The following NF1 variants were observed in gnomAD, a reference collection of about 807,000 sequenced individuals.
NF1 encodes neurofibromin 1.
Under a neutral mutation model 325.7 loss-of-function variants are expected in NF1, and 122 were observed. That is an observed-to-expected ratio of 0.37 (90% CI 0.32 to 0.44). The LOEUF (loss-of-function observed/expected upper bound fraction) is 0.44, where lower values mean the gene tolerates loss of function less well. NF1 is among the 20% of genes least tolerant of loss of function. The pLI is 1.00. For synonymous variants in NF1, 1,091 were observed against 1,186.0 expected (o/e 0.92, Z 1.65); for missense variants, 2,140 against 3,415.4 (o/e 0.63, Z 9.31).
At chr17:31,367,644 A>G (rs544873679) in intron 57 of NF1, among the ~76,000 whole-genome samples, 123 of 152,288 alleles carry the variant, frequency 8.1e-4, no homozygotes, top group African/African-American at 2.6e-3. Flanking sequence ...CCCCAAATAG[A>G]AAGCCAACCC....
intron 24 of NF1, among the ~76,000 whole-genome samples, 157 bp downstream of exon 24, chr17:31,231,082 C>CT (rs59368772): frequency 4.6e-5 from 7 of 151,798 alleles, no homozygotes; most frequent in Non-Finnish European, 1.0e-4. Flanking sequence ...TTTATTACTG[C>CT]TTTTTTTTGA....
At chr17:31,273,819 A>G (rs528358892) in intron 36 of NF1, among the ~76,000 whole-genome samples, 16 of 152,316 alleles carry the variant, frequency 1.1e-4, no homozygotes, top group Non-Finnish European at 2.1e-4. Context: ...TCTGCTTGCT[A>G]ATTTAAAGAA....
chr17:31,370,590 TA>T (rs1398154637), intron 57 of NF1, among the ~76,000 whole-genome samples: 1 of 152,218 alleles, frequency 6.6e-6, no homozygotes, highest in African/African-American at 2.4e-5. Flanking sequence ...TTTTTGAAGA[TA>T]CCTTCACCCT....
At chr17:31,099,705 G>A (rs1324385291) in intron 1 of NF1, among the ~76,000 whole-genome samples, 1 of 151,796 alleles carries the variant, frequency 6.6e-6, no homozygotes, top group Admixed American at 6.6e-5. Flanking sequence ...GATTACAGGC[G>A]CCCACCACCA....
At chr17:31,095,538 A>G in intron 1 of NF1, 169 bp downstream of exon 1, 1 of 547,520 alleles carries the variant, frequency 1.8e-6, no homozygotes, top group African/African-American at 2.2e-5. Flanking sequence ...CCAAGGCGGG[A>G]GGTGAGGGGT....
chr17:31,222,517 T>C, intron 15 of NF1: 1 of 1,026,628 alleles, frequency 9.7e-7, no homozygotes, highest in East Asian at 6.3e-5. Context: ...ATGGGTGTGC[T>C]AAGTTACTTG....
In NF1 at chr17:31,327,666, C is replaced by T. The variant is rs864622640; in HGVS notation, c.5436C>T (p.Phe1812=). The part of the protein sequence containing the change: ...TIANQGTPLT[F]MHQECEAIVQ... ...CAAACCAGGGCACGCCGCTCACCTT[C>T]ATGCACCAGGAGTGTGAAGCCATTG... Residue 1812 remains phenylalanine (F), a synonymous_variant, in exon 38 of 58, where the codon TTC becomes TTT. Coordinates refer to ENST00000358273, the MANE Select transcript of NF1 (RefSeq NM_001042492.3). 2 of 1,614,078 alleles carry T rather than the reference C, an allele frequency of 1.2e-6. No homozygotes were observed. Among genetic ancestry groups the T allele is most frequent in the Non-Finnish European group, 1.7e-6 (2 of 1,180,050 alleles).
chr17:31,330,722 C>T (rs2069460190), intron 39 of NF1: 4 of 555,754 alleles, frequency 7.2e-6, no homozygotes, highest in East Asian at 3.0e-5. Context: ...AAAAGCAAAG[C>T]GGCAAGAGTT....
At chr17:31,150,052 C>T (rs538063534) in intron 1 of NF1, among the ~76,000 whole-genome samples, 64 of 152,320 alleles carry the variant, frequency 4.2e-4, no homozygotes, top group Middle Eastern at 3.4e-3. Context: ...GCTGCTGCTT[C>T]GCTTCCACAT....
intron 1 of NF1, among the ~76,000 whole-genome samples, chr17:31,131,741 G>C (rs1915409973): frequency 6.6e-6 from 1 of 152,174 alleles, no homozygotes; most frequent in Non-Finnish European, 1.5e-5. Context: ...GTATCTATGA[G>C]TAAGATTGGT....
At position 31,196,405 on chromosome 17, in the gene NF1, T is replaced by C. The variant is rs149855890; in HGVS notation, c.889-4017T>C. On this transcript the variant is annotated intron_variant, in intron 8 of 57. Transcript: ENST00000358273. ...TAAATTTTATTTTATTTTTTAGTTA[T>C]AGGAATTTTTAATATATTCTGGTTA... Among the ~76,000 whole-genome samples, 351 of 152,238 alleles carry C rather than the reference T, an allele frequency of 2.3e-3. 2 individuals are homozygous for C. Among genetic ancestry groups the C allele is most frequent in the African/African-American group, 8.0e-3 (332 of 41,576 alleles).
At chr17:31,206,456 T>G in intron 12 of NF1, 85 bp downstream of exon 12, 1 of 1,537,266 alleles carries the variant, frequency 6.5e-7, no homozygotes, top group South Asian at 1.1e-5. Context: ...CTGCTTTGGT[T>G]ATTTTAGAGA....
At chr17:31,279,033 G>A (rs982323759) in intron 36 of NF1, among the ~76,000 whole-genome samples, 7 of 152,144 alleles carry the variant, frequency 4.6e-5, no homozygotes, top group African/African-American at 1.7e-4. Context: ...GAAGCCAGGG[G>A]TTTGAGACCA....
At chr17:31,152,536 T>G (rs1310995868) in intron 1 of NF1, among the ~76,000 whole-genome samples, 1 of 149,266 alleles carries the variant, frequency 6.7e-6, no homozygotes, top group Non-Finnish European at 1.5e-5. Context: ...ACTTTCCTCC[T>G]TAGTCCCCCC....
intron 36 of NF1, chr17:31,295,644 C>A: frequency 6.2e-7 from 1 of 1,614,064 alleles, no homozygotes; most frequent in South Asian, 1.1e-5. Flanking sequence ...TGTTTGTGGT[C>A]ACATGACCAC....
intron 45 of NF1, 65 bp from the exon 46 acceptor site, chr17:31,338,639 T>A: frequency 1.0e-6 from 1 of 1,003,336 alleles, no homozygotes. Context: ...CATTCCGAGA[T>A]TCAGTTTAGG....
At chr17:31,175,575 A>G (rs913766402) in intron 5 of NF1, among the ~76,000 whole-genome samples, 2 of 152,002 alleles carry the variant, frequency 1.3e-5, no homozygotes, top group African/African-American at 4.8e-5. Flanking sequence ...TGTGTAGAAC[A>G]TGCAGGTTTG....
At chr17:31,269,666 C>A (rs2067855362) in intron 36 of NF1, among the ~76,000 whole-genome samples, 1 of 152,214 alleles carries the variant, frequency 6.6e-6, no homozygotes, top group Admixed American at 6.5e-5. Context: ...CTTAACTCTA[C>A]TTTCTTTGTG....
intron 1 of NF1, among the ~76,000 whole-genome samples, chr17:31,102,944 C>T (rs1228404280): frequency 4.0e-5 from 6 of 151,544 alleles, no homozygotes; most frequent in Non-Finnish European, 7.4e-5. Context: ...CTTCTGGGTT[C>T]AAGCGATTCT....
Sources: gnomAD v4.1 joint callset for allele counts (sites outside exome capture counted in the v4.1 genomes callset) on GRCh38, gnomAD v4.1.1 for gene constraint, MANE v1.5 for transcripts, NCBI Gene and HGNC (gene_info 2026-07-23, HGNC 2026-07-21) for gene names.